The following WWOX variants were observed in gnomAD, a reference collection of about 807,000 sequenced individuals.
WWOX encodes WW domain containing oxidoreductase, also known as WW domain-containing oxidoreductase.
Under a neutral mutation model 46.2 loss-of-function variants are expected in WWOX, and 69 were observed. The ratio of observed to expected loss-of-function variants is 1.49; its 90% CI spans 1.23 to 1.82. The LOEUF is 1.82. Among genes scored for constraint, WWOX ranks in the 40% most tolerant of loss-of-function variants. WWOX has a pLI of 0.00. For synonymous variants in WWOX, 359 were observed against 202.6 expected (o/e 1.77, Z -6.56); for missense variants, 919 against 542.6 (o/e 1.69, Z -6.89).
At chr16:78,706,068 T>TG (rs1555520304) in intron 8 of WWOX, among the ~76,000 whole-genome samples, 4 of 150,516 alleles carry the variant, frequency 2.7e-5, no homozygotes, top group Non-Finnish European at 4.4e-5. Context: ...GTTTTTTTTT[T>TG]TTTTTTTTTT....
At chr16:78,803,162 C>G (rs572998331) in intron 8 of WWOX, among the ~76,000 whole-genome samples, 3 of 151,588 alleles carry the variant, frequency 2.0e-5, no homozygotes, top group Non-Finnish European at 4.4e-5. Flanking sequence ...ATTTATTCCA[C>G]TCACACAACA....
intron 8 of WWOX, among the ~76,000 whole-genome samples, chr16:78,662,426 T>C (rs1226908668): frequency 6.6e-6 from 1 of 152,044 alleles, no homozygotes; most frequent in East Asian, 1.9e-4. Context: ...TTTCTAGCTT[T>C]ATGTGGAGAA....
At chr16:78,859,401 C>T (rs1008642441) in intron 8 of WWOX, among the ~76,000 whole-genome samples, 1 of 151,990 alleles carries the variant, frequency 6.6e-6, no homozygotes, top group Non-Finnish European at 1.5e-5. Context: ...CCTTGCAGTA[C>T]TTTTGGGAAT....
At chr16:78,392,817 C>T (rs548196167) in intron 6 of WWOX, among the ~76,000 whole-genome samples, 2 of 152,154 alleles carry the variant, frequency 1.3e-5, no homozygotes, top group Non-Finnish European at 2.9e-5. Context: ...TCAGGCCCAG[C>T]ACGTCCTGAC....
intron 6 of WWOX, among the ~76,000 whole-genome samples, chr16:78,391,105 G>A (rs192616099): frequency 5.9e-5 from 9 of 152,294 alleles, no homozygotes; most frequent in Non-Finnish European, 2.9e-5. Flanking sequence ...GCAGCATATT[G>A]TACTGTGGAA....
chr16:78,771,048 G>A (rs963838534), intron 8 of WWOX, among the ~76,000 whole-genome samples: 2 of 152,232 alleles, frequency 1.3e-5, no homozygotes, highest in Non-Finnish European at 2.9e-5. Flanking sequence ...AACCGCACGT[G>A]CAAAGGCCCT....
chr16:78,660,452 G>A (rs2548846), intron 8 of WWOX, among the ~76,000 whole-genome samples: 133,688 of 152,084 alleles, frequency 0.88, 59,080 homozygotes, highest in Non-Finnish European at 0.93. Flanking sequence ...TCAGTTGCCA[G>A]TGGGAGAGGA....
At chr16:78,767,405 G>C (rs959660198) in intron 8 of WWOX, among the ~76,000 whole-genome samples, 1 of 152,052 alleles carries the variant, frequency 6.6e-6, no homozygotes, top group South Asian at 2.1e-4. Flanking sequence ...AAAGCGCTGA[G>C]ATGACTGCGC....
chr16:79,207,673 T>G (rs1488197999), intron 8 of WWOX, among the ~76,000 whole-genome samples: 1 of 152,240 alleles, frequency 6.6e-6, no homozygotes, highest in East Asian at 1.9e-4. Flanking sequence ...TTCTTTTAAA[T>G]GAGCATGCAT....
chr16:78,843,454 G>A (rs1181237902), intron 8 of WWOX, among the ~76,000 whole-genome samples: 1 of 150,072 alleles, frequency 6.7e-6, no homozygotes, highest in African/African-American at 2.4e-5. Flanking sequence ...CAGGGGATGA[G>A]ATTACTGTCA....
chr16:78,927,678 G>A (rs186773649), intron 8 of WWOX, among the ~76,000 whole-genome samples: 3 of 152,154 alleles, frequency 2.0e-5, no homozygotes, highest in African/African-American at 4.8e-5. Context: ...ATAATTATCA[G>A]ACTTAATCAA....
chr16:79,205,533 C>G (rs987422229), intron 8 of WWOX: 4 of 152,244 alleles, frequency 2.6e-5, no homozygotes, highest in African/African-American at 9.6e-5. Flanking sequence ...CTCCAGAACA[C>G]TTTCTCACAC....
At chr16:78,566,115 G>T (rs1047030434) in intron 8 of WWOX, among the ~76,000 whole-genome samples, 2 of 152,102 alleles carry the variant, frequency 1.3e-5, no homozygotes, top group Non-Finnish European at 2.9e-5. Flanking sequence ...GGATGCCTTT[G>T]TGTGTCCTCT....
chr16:78,760,174 C>T (rs1026042774), intron 8 of WWOX, among the ~76,000 whole-genome samples: 2 of 152,168 alleles, frequency 1.3e-5, no homozygotes, highest in Admixed American at 1.3e-4. Context: ...CACACGGCAG[C>T]AGACGAGAGA....
intron 5 of WWOX, among the ~76,000 whole-genome samples, chr16:78,259,807 G>A (rs1364519270): frequency 6.6e-6 from 1 of 150,796 alleles, no homozygotes; most frequent in African/African-American, 2.5e-5. Context: ...TTCATATCTA[G>A]AAAAATATTG....
intron 8 of WWOX, among the ~76,000 whole-genome samples, chr16:78,738,734 G>C (rs1035586861): frequency 1.3e-5 from 2 of 152,124 alleles, no homozygotes; most frequent in South Asian, 4.1e-4. Flanking sequence ...TGACAGGTGT[G>C]AATGCGAACA....
chr16:78,845,247 C>T (rs998592375), intron 8 of WWOX, among the ~76,000 whole-genome samples: 3 of 150,432 alleles, frequency 2.0e-5, no homozygotes, highest in South Asian at 2.1e-4. Flanking sequence ...GCTATTGTGG[C>T]TCAAAATGAA....
intron 8 of WWOX, among the ~76,000 whole-genome samples, chr16:79,144,899 A>G (rs1193321505): frequency 2.6e-5 from 4 of 152,198 alleles, no homozygotes; most frequent in Admixed American, 2.0e-4. Flanking sequence ...TGCCTAATTT[A>G]TAAGTATACT....
chr16:78,118,468 C>G (rs2151679413), intron 4 of WWOX, among the ~76,000 whole-genome samples: 1 of 152,278 alleles, frequency 6.6e-6, no homozygotes, highest in African/African-American at 2.4e-5. Flanking sequence ...AAACTGCCAT[C>G]TCTGGGCTAA....
Sources: gnomAD v4.1 joint callset for allele counts (sites outside exome capture counted in the v4.1 genomes callset) on GRCh38, gnomAD v4.1.1 for gene constraint, MANE v1.5 for transcripts, NCBI Gene and HGNC (gene_info 2026-07-23, HGNC 2026-07-21) for gene names.